The following DAB1 variants were observed in gnomAD, a reference collection of about 807,000 sequenced individuals.
DAB1 encodes disabled homolog 1.
DAB1 carries 15 observed loss-of-function variants against 64.6 expected under a neutral mutation model. The ratio of observed to expected loss-of-function variants is 0.23; its 90% CI spans 0.16 to 0.36. DAB1 has a LOEUF of 0.36. DAB1 is among the 10% of genes least tolerant of loss of function. DAB1 has a pLI of 1.00. For synonymous variants in DAB1, 235 were observed against 251.9 expected (o/e 0.93, Z 0.64); for missense variants, 596 against 706.7 (o/e 0.84, Z 1.78).
intron 1 of DAB1, among the ~76,000 whole-genome samples, chr1:57,291,779 GAC>G (rs1433885464): frequency 1.3e-5 from 2 of 152,162 alleles, no homozygotes; most frequent in African/African-American, 2.4e-5. Context: ...GAAACAGGCA[GAC>G]ACAGATTTCA....
intron 4 of DAB1, among the ~76,000 whole-genome samples, chr1:58,166,397 C>A (rs1338554215): frequency 6.6e-6 from 1 of 152,110 alleles, no homozygotes; most frequent in Non-Finnish European, 1.5e-5. Context: ...ATATTTGTTA[C>A]AAATAGAATT....
intron 4 of DAB1, among the ~76,000 whole-genome samples, chr1:57,129,039 C>T (rs892909617): frequency 3.9e-5 from 6 of 152,060 alleles, no homozygotes; most frequent in South Asian, 2.1e-4. Context: ...CTTAGTTGAG[C>T]GCTTAGAGGA....
chr1:57,913,052 C>A (rs1644671476), intron 5 of DAB1, among the ~76,000 whole-genome samples: 1 of 152,202 alleles, frequency 6.6e-6, no homozygotes, highest in Non-Finnish European at 1.5e-5. Context: ...CCATTCCCAT[C>A]AAGCTACCAA....
chr1:58,183,382 C>A (rs1339556884), intron 4 of DAB1, among the ~76,000 whole-genome samples: 1 of 151,088 alleles, frequency 6.6e-6, no homozygotes, highest in Admixed American at 6.6e-5. Flanking sequence ...CACACAGCTG[C>A]ACCTATGTGT....
At chr1:57,192,764 A>C (rs1664255010) in intron 2 of DAB1, among the ~76,000 whole-genome samples, 1 of 152,206 alleles carries the variant, frequency 6.6e-6, no homozygotes, top group South Asian at 2.1e-4. Flanking sequence ...AAAATCACAG[A>C]ATTTCATTAT....
At chr1:58,293,614 T>G (rs112608947) in intron 4 of DAB1, among the ~76,000 whole-genome samples, 33 of 152,278 alleles carry the variant, frequency 2.2e-4, no homozygotes, top group South Asian at 1.0e-3. Flanking sequence ...AACCTTTAGA[T>G]GACCCAGCTA....
intron 5 of DAB1, among the ~76,000 whole-genome samples, chr1:57,956,245 T>G (rs1645390942): frequency 6.6e-6 from 1 of 152,086 alleles, no homozygotes; most frequent in African/African-American, 2.4e-5. Context: ...TATAAAGGTG[T>G]AAGCAAGGGA....
intron 3 of DAB1, among the ~76,000 whole-genome samples, chr1:58,497,240 A>AG (rs1645819138): frequency 6.6e-6 from 1 of 152,134 alleles, no homozygotes; most frequent in African/African-American, 2.4e-5. Context: ...AACAAAAGGG[A>AG]GGGGGGTACT....
chr1:58,046,465 AT>A (rs966333606), intron 5 of DAB1, among the ~76,000 whole-genome samples: 6 of 151,106 alleles, frequency 4.0e-5, no homozygotes, highest in South Asian at 2.1e-4. Context: ...TTTTCTGTTG[AT>A]TTTTTTTTCG....
intron 3 of DAB1, among the ~76,000 whole-genome samples, chr1:58,398,515 C>G (rs906260095): frequency 6.6e-6 from 1 of 152,252 alleles, no homozygotes; most frequent in Non-Finnish European, 1.5e-5. Context: ...TCTGTACCCA[C>G]TGTGGCGCAT....
chr1:58,323,259 A>G lies in DAB1; in HGVS notation n.309+20093T>C, dbSNP rs74885170. 2.3e-3 allele frequency among the ~76,000 whole-genome samples: 346 copies of G among 150,836 alleles called. 7 individuals are homozygous for G. In the East Asian group the frequency reaches 0.049, roughly 21 times the overall value. The stretch of plus-strand genomic sequence containing the variant: ...TATAATAATAATAATAATAATAATA[A>G]TAATAATAAAATATTCATCACTCTC... On this transcript the variant is annotated intron_variant and non_coding_transcript_variant, in intron 4 of 20. Coordinates refer to the DAB1 transcript ENST00000485760.
intron 3 of DAB1, among the ~76,000 whole-genome samples, chr1:58,382,414 T>A (rs1311002141): frequency 6.6e-6 from 1 of 152,188 alleles, no homozygotes; most frequent in African/African-American, 2.4e-5. Flanking sequence ...TGACATGGAC[T>A]AATCTGCAAA....
At chr1:58,277,704 A>G (rs551408196) in intron 4 of DAB1, among the ~76,000 whole-genome samples, 9 of 152,368 alleles carry the variant, frequency 5.9e-5, no homozygotes, top group Admixed American at 5.9e-4. Context: ...AATTTATAAT[A>G]AAGTAAAATA....
chr1:58,086,199 G>A (rs1424024419), intron 5 of DAB1, among the ~76,000 whole-genome samples: 2 of 151,698 alleles, frequency 1.3e-5, no homozygotes, highest in Non-Finnish European at 2.9e-5. Context: ...TCCTGACCTC[G>A]TGATCCGCCC....
At chr1:57,656,141 G>C (rs1247074841) in intron 6 of DAB1, among the ~76,000 whole-genome samples, 1 of 152,162 alleles carries the variant, frequency 6.6e-6, no homozygotes, top group Non-Finnish European at 1.5e-5. Flanking sequence ...GAAGTTGGCT[G>C]TCGGAAACCC....
At chr1:57,345,500 C>T (rs866728076) in intron 1 of DAB1, among the ~76,000 whole-genome samples, 15 of 152,330 alleles carry the variant, frequency 9.8e-5, no homozygotes, top group South Asian at 2.1e-4. Flanking sequence ...ACTGTTTCTT[C>T]TTCAGGCTCC....
At chr1:58,056,574 T>C in intron 5 of DAB1, 1 of 741,172 alleles carries the variant, frequency 1.3e-6, no homozygotes, top group East Asian at 2.5e-5. Context: ...ATTTTCTGGC[T>C]CTCAGGCTCT....
chr1:57,765,705 C>G (rs185927384), intron 6 of DAB1, among the ~76,000 whole-genome samples: 2 of 152,292 alleles, frequency 1.3e-5, no homozygotes, highest in Non-Finnish European at 2.9e-5. Context: ...GCTACCCACT[C>G]CTCCTCCATA....
At chr1:58,022,812 C>T (rs998594120) in intron 5 of DAB1, among the ~76,000 whole-genome samples, 6 of 152,066 alleles carry the variant, frequency 3.9e-5, no homozygotes, top group South Asian at 2.1e-4. Flanking sequence ...TTTTAAGTTC[C>T]GGTTACTGTA....
Sources: allele counts gnomAD v4.1 joint callset (sites outside exome capture counted in the v4.1 genomes callset), GRCh38; gene constraint gnomAD v4.1.1; transcripts MANE v1.5; gene names NCBI Gene and HGNC (gene_info 2026-07-23, HGNC 2026-07-21).